The following DNM3 variants were observed in gnomAD, a reference collection of about 807,000 sequenced individuals.
DNM3 encodes the protein dynamin-3.
In DNM3, 47 loss-of-function variants were observed where a neutral mutation model predicts 101.6. That is an observed-to-expected ratio of 0.46 (90% CI 0.37 to 0.59). DNM3 has a LOEUF of 0.59. Ranked by LOEUF, DNM3 falls within the 20% of genes least tolerant of loss-of-function variation. DNM3 has a pLI of 0.00. For missense variants in DNM3, 849 were observed against 1,085.7 expected (o/e 0.78, Z 3.06); for synonymous variants, 385 against 387.9 (o/e 0.99, Z 0.09).
chr1:172,400,634 T>C (rs558682358), intron 20 of DNM3, among the ~76,000 whole-genome samples: 15 of 152,288 alleles, frequency 9.8e-5, no homozygotes, highest in African/African-American at 3.1e-4. Context: ...ATCTCAATGA[T>C]ATAGTACAAA....
intron 14 of DNM3, among the ~76,000 whole-genome samples, chr1:172,250,662 T>C (rs1440077044): frequency 2.6e-5 from 4 of 152,042 alleles, no homozygotes; most frequent in Non-Finnish European, 5.9e-5. Context: ...TCAAACACGA[T>C]GTGACAAAGT....
intron 12 of DNM3, among the ~76,000 whole-genome samples, chr1:172,083,012 C>A (rs922982281): frequency 2.0e-5 from 3 of 152,200 alleles, no homozygotes; most frequent in African/African-American, 7.2e-5. Context: ...TAAATATGTG[C>A]CCTAGTCTAG....
At chr1:171,934,547 G>A (rs2041265850) in intron 2 of DNM3, among the ~76,000 whole-genome samples, 2 of 152,168 alleles carry the variant, frequency 1.3e-5, no homozygotes, top group African/African-American at 4.8e-5. Context: ...GCCCAGGGAT[G>A]CATTTTAGTC....
chr1:172,407,157 C>A (rs932349993), intron 20 of DNM3, among the ~76,000 whole-genome samples: 6 of 151,786 alleles, frequency 4.0e-5, no homozygotes, highest in Admixed American at 2.0e-4. Flanking sequence ...CTACTAATAC[C>A]AATACTAAAG....
At chr1:171,981,885 T>G (rs576732297) in intron 2 of DNM3, among the ~76,000 whole-genome samples, 1 of 152,330 alleles carries the variant, frequency 6.6e-6, no homozygotes, top group Admixed American at 6.5e-5. Context: ...ACGGATGCGT[T>G]ATCACGGTTT....
chr1:172,208,266 A>G (rs911257984), intron 14 of DNM3, among the ~76,000 whole-genome samples: 5 of 152,104 alleles, frequency 3.3e-5, no homozygotes, highest in Non-Finnish European at 7.4e-5. Flanking sequence ...TTCTAAAATC[A>G]GTCCTCATGT....
intron 4 of DNM3, among the ~76,000 whole-genome samples, chr1:172,020,970 G>A (rs912084478): frequency 1.3e-5 from 2 of 152,160 alleles, no homozygotes; most frequent in Admixed American, 1.3e-4. Flanking sequence ...CTGCTCTTGG[G>A]TGTCTGCTCT....
At chr1:172,373,301 T>G (rs535766486) in intron 17 of DNM3, among the ~76,000 whole-genome samples, 154 of 152,222 alleles carry the variant, frequency 1.0e-3, no homozygotes, top group Non-Finnish European at 1.9e-3. Flanking sequence ...TAAAAGTCAT[T>G]TAGACTTATA....
chr1:172,270,507 G>GA (rs933539742), intron 15 of DNM3, among the ~76,000 whole-genome samples: 2 of 151,744 alleles, frequency 1.3e-5, no homozygotes, highest in Non-Finnish European at 2.9e-5. Context: ...TATACCTGCT[G>GA]AAAAAAAATA....
intron 15 of DNM3, among the ~76,000 whole-genome samples, chr1:172,261,233 A>G (rs1250890013): frequency 1.3e-5 from 2 of 152,176 alleles, no homozygotes; most frequent in African/African-American, 4.8e-5. Context: ...CATCTGGTAT[A>G]ACTGTTGCTT....
intron 15 of DNM3, among the ~76,000 whole-genome samples, chr1:172,280,103 G>A (rs764915275): frequency 2.6e-5 from 4 of 151,982 alleles, no homozygotes; most frequent in Non-Finnish European, 5.9e-5. Context: ...TGAATATGTT[G>A]AGCTTGTTCC....
intron 14 of DNM3, among the ~76,000 whole-genome samples, chr1:172,206,108 T>C (rs1442265092): frequency 6.6e-6 from 1 of 152,156 alleles, no homozygotes; most frequent in Non-Finnish European, 1.5e-5. Context: ...CTTTAAATAT[T>C]GGGATGCTTT....
At chr1:172,100,599 A>G (rs546149476) in intron 13 of DNM3, among the ~76,000 whole-genome samples, 1 of 152,124 alleles carries the variant, frequency 6.6e-6, no homozygotes, top group Non-Finnish European at 1.5e-5. Context: ...TCTTAACTCC[A>G]AGTCTTACCT....
In DNM3 at chr1:172,056,790, T is replaced by G. The variant is rs531835609; in HGVS notation, c.1335+8040T>G. Among the ~76,000 whole-genome samples, 170 of 152,254 alleles carry G rather than the reference T, an allele frequency of 1.1e-3. 1 individual carries two copies. Among genetic ancestry groups the G allele is most frequent in the African/African-American group, 3.9e-3 (161 of 41,530 alleles). ...AAACTCTAAAAAAGCAGAGTGCCTC[T>G]CCTCCTCCAAAGGAACACAGTTCCT... On this transcript the variant is annotated intron_variant, in intron 10 of 20. Coordinates refer to ENST00000627582, the MANE Select transcript of DNM3 (RefSeq NM_015569.5).
chr1:172,022,848 C>T (rs1346769025), intron 4 of DNM3, among the ~76,000 whole-genome samples: 2 of 152,070 alleles, frequency 1.3e-5, no homozygotes, highest in Non-Finnish European at 2.9e-5. Flanking sequence ...TATGTATACT[C>T]ACACACTCAC....
rs2071244836 is a variant in DNM3 at position 172,412,124 on chromosome 1, T to C, written c.*4283T>C. ...GAGAGAGGAAACTCAAAGAGGAGTGTTTGTCTTAAGACCTGTTCATACTGG... is the reference window on the plus strand; with the variant it reads ...GAGAGAGGAAACTCAAAGAGGAGTGCTTGTCTTAAGACCTGTTCATACTGG... On this transcript the variant is annotated 3_prime_UTR_variant, in exon 21 of 21. Transcript: ENST00000627582. The C allele has an allele frequency of 1.0e-6, 1 of 985,750 alleles. No homozygotes were observed. 61.1% of individuals were successfully genotyped at this position (985,750 alleles called of 1,614,324 possible).
At chr1:171,997,077 A>G (rs2046048006) in intron 4 of DNM3, among the ~76,000 whole-genome samples, 1 of 152,082 alleles carries the variant, frequency 6.6e-6, no homozygotes, top group African/African-American at 2.4e-5. Flanking sequence ...ACCAAATGCT[A>G]GCAGTTATTT....
At chr1:171,846,372 T>C (rs1234111260) in intron 1 of DNM3, among the ~76,000 whole-genome samples, 4 of 152,170 alleles carry the variant, frequency 2.6e-5, no homozygotes, top group African/African-American at 9.6e-5. Flanking sequence ...GATTAACAGT[T>C]ATCCAAAAAT....
rs539056707 is a variant in DNM3, at chr1:172,316,025, C to T, written c.1881+7186C>T. Among the ~76,000 whole-genome samples the T allele has an allele frequency of 3.8e-4, 58 of 152,282 alleles. No homozygotes were observed. The Middle Eastern group carries it at 0.01, about 27-fold the overall frequency. On this transcript the variant is annotated intron_variant, in intron 16 of 20. Transcript: ENST00000627582. ...TACCCACAAAGGGAAGCCCATCAGA[C>T]TAACGGCGGATCTCTCGGCAGAAAC...
Sources: gnomAD v4.1 joint callset for allele counts (sites outside exome capture counted in the v4.1 genomes callset) on GRCh38, gnomAD v4.1.1 for gene constraint, MANE v1.5 for transcripts, NCBI Gene and HGNC (gene_info 2026-07-23, HGNC 2026-07-21) for gene names.